The following NUP98 variants were observed in gnomAD, a reference collection of about 807,000 sequenced individuals.
NUP98 encodes the protein nucleoporin 98 and 96 precursor.
A neutral mutation model predicts 191.9 loss-of-function variants in NUP98; 26 were observed. The ratio of observed to expected loss-of-function variants is 0.14; its 90% CI spans 0.10 to 0.19. The LOEUF (loss-of-function observed/expected upper bound fraction) is 0.19. Among genes scored for constraint, NUP98 ranks in the 10% least tolerant of loss-of-function variants. The pLI is 1.00. For missense variants in NUP98, 1,941 were observed against 2,178.8 expected (o/e 0.89, Z 2.17); for synonymous variants, 808 against 778.4 (o/e 1.04, Z -0.63).
In NUP98 at chr11:3,731,442, T is replaced by C. The variant is rs375158212; in HGVS notation, c.1679A>G (p.Asp560Gly). ...GGATGGTTCATCGTCATCCAGCCCA[T>C]CAAAGAGATGTGACTTGGCTGTGCC... The part of the protein sequence containing the change: ...TTGTAKSHLF[D>G]GLDDDEPSLA... The change falls in exon 14 of 33, where the codon GAT becomes GGT. Residue 560 changes from aspartate (D) to glycine (G), a missense_variant. Coordinates refer to ENST00000324932, the MANE Select transcript of NUP98 (RefSeq NM_016320.5). 1.2e-5 allele frequency: 20 copies of C among 1,607,308 alleles called. No homozygotes were observed. The highest frequency in any genetic ancestry group is 5.3e-5 in the African/African-American group (4 of 74,874).
At chr11:3,767,649 T>A (rs1487835589) in intron 8 of NUP98, among the ~76,000 whole-genome samples, 3 of 152,116 alleles carry the variant, frequency 2.0e-5, no homozygotes. Flanking sequence ...AGTAAAAGTA[T>A]CTCTAATTTT....
intron 1 of NUP98, among the ~76,000 whole-genome samples, chr11:3,793,792 G>T (rs1406426401): frequency 6.6e-6 from 1 of 151,840 alleles, no homozygotes. Context: ...CCAACATGGT[G>T]AAAGCCTGTC....
At position 3,771,799 on chromosome 11, in the gene NUP98, T is replaced by C; in HGVS notation, c.733A>G (p.Thr245Ala). ...SSATGLFSSS[T>A]TNSGFAYGQN... ...CCATATGCAAAGCCTGAATTAGTGG[T>C]GGAGGAGCTGAAGAGTCCTGTTGCG... is the stretch of plus-strand genomic sequence containing the variant. Residue 245 changes from threonine to alanine, a missense_variant, in exon 7 of 33, where the codon ACC becomes GCC. Physicochemically the swap from Thr to Ala is moderately conservative, Grantham distance 58. Transcript: ENST00000324932. The C allele has an allele frequency of 3.1e-6, 5 of 1,614,182 alleles. No individual in the cohort carries two copies. The highest frequency in any genetic ancestry group is 4.2e-6 in the Non-Finnish European group (5 of 1,180,028).
chr11:3,791,756 T>C (rs545112990), intron 1 of NUP98, among the ~76,000 whole-genome samples: 25 of 151,358 alleles, frequency 1.7e-4, no homozygotes, highest in African/African-American at 4.1e-4. Context: ...GGCAGGAGAA[T>C]TGCTTGAACC....
chr11:3,699,173 G>A lies in NUP98; in HGVS notation c.3918C>T (p.Ser1306=), dbSNP rs747438301. The A allele has an allele frequency of 6.2e-7, 1 of 1,613,990 alleles. No homozygotes were observed. Among genetic ancestry groups the A allele is most frequent in the Non-Finnish European group, 8.5e-7 (1 of 1,180,050 alleles). Residue 1306 remains serine, a synonymous_variant, in exon 25 of 33, where the codon TCC becomes TCT. Transcript: ENST00000324932. Reference sequence around the variant, plus strand: ...CCACAGGGCTGTTTTTTTGGGTTAAGGAGACTTCCTCTTCAATCTGAGGTG... The same window carrying A: ...CCACAGGGCTGTTTTTTTGGGTTAAAGAGACTTCCTCTTCAATCTGAGGTG... The part of the protein sequence containing the change: ...TATPQIEEEV[S]LTQKNSPVEA...
intron 29 of NUP98, among the ~76,000 whole-genome samples, chr11:3,684,474 TTC>T (rs1369052562): frequency 6.6e-6 from 1 of 152,142 alleles, no homozygotes; most frequent in Non-Finnish European, 1.5e-5. Context: ...CTTTTTTATA[TTC>T]TTTTTCAGGA....
intron 23 of NUP98, among the ~76,000 whole-genome samples, chr11:3,701,717 A>T (rs1342671046): frequency 1.3e-5 from 2 of 148,640 alleles, no homozygotes; most frequent in Non-Finnish European, 3.0e-5. Context: ...ACTGAGTCTC[A>T]TTCAGTTGCC....
chr11:3,707,950 A>T (rs937740875), intron 20 of NUP98, among the ~76,000 whole-genome samples: 1 of 151,776 alleles, frequency 6.6e-6, no homozygotes, highest in Non-Finnish European at 1.5e-5. Flanking sequence ...AAAATACAAA[A>T]ATTAGCCAGG....
chr11:3,719,097 G>A (rs2079294589), intron 18 of NUP98, among the ~76,000 whole-genome samples: 1 of 150,278 alleles, frequency 6.7e-6, no homozygotes. Flanking sequence ...TCCAGCCTGG[G>A]CAACAAGAGC....
rs762523901 is a variant in NUP98 at position 3,700,594 on chromosome 11, C to T, written c.3742+16G>A. ...TTATTGGGACATCAAACATTAGAAA[C>T]ATAGTGTGTACTCACTTTGTGCTTC... On this transcript the variant is annotated intron_variant, in intron 24 of 32. Coordinates refer to ENST00000324932, the MANE Select transcript of NUP98 (RefSeq NM_016320.5). 1.3e-6 allele frequency: 2 copies of T among 1,551,174 alleles called. No individual in the cohort carries two copies. The highest frequency in any genetic ancestry group is 1.1e-5 in the South Asian group (1 of 88,718).
Position 3,775,801 on chromosome 11 carries a change from G to C in NUP98, c.495+81C>G. 2.9e-6 allele frequency: 4 copies of C among 1,400,512 alleles called. No homozygotes were observed. The South Asian group carries it at 5.0e-5, about 18-fold the overall frequency. The allele number at this position is 1,400,512 out of a possible 1,614,324, so 86.8% of individuals were successfully genotyped here. A position where few individuals can be genotyped will look rare whatever the true frequency, so the allele number is the denominator to read the frequency against. On this transcript the variant is annotated intron_variant, in intron 5 of 32. Coordinates refer to ENST00000324932, the MANE Select transcript of NUP98 (RefSeq NM_016320.5). ...GCAGTGTCAAGCTAAGCTGGAAAGA[G>C]AAGCAATTTTACAATTCATCCTGCA... is the stretch of plus-strand genomic sequence containing the variant.
At chr11:3,770,453 G>A (rs1399094578) in intron 7 of NUP98, among the ~76,000 whole-genome samples, 1 of 152,000 alleles carries the variant, frequency 6.6e-6, no homozygotes, top group Admixed American at 6.6e-5. Context: ...ACTCCAGCAT[G>A]AGTGACGGGA....
chr11:3,731,234 A>G (rs1181899992), intron 14 of NUP98, among the ~76,000 whole-genome samples, 157 bp downstream of exon 14: 1 of 152,252 alleles, frequency 6.6e-6, no homozygotes, highest in African/African-American at 2.4e-5. Context: ...ATTGCACTCC[A>G]GCCTGGGTGA....
At chr11:3,793,533 G>A (rs1341982196) in intron 1 of NUP98, among the ~76,000 whole-genome samples, 3 of 151,812 alleles carry the variant, frequency 2.0e-5, no homozygotes, top group Admixed American at 1.3e-4. Flanking sequence ...TGATCCACCC[G>A]CTTCAGCCTC....
At chr11:3,787,502 G>A (rs375897625) in intron 1 of NUP98, among the ~76,000 whole-genome samples, 76 of 152,238 alleles carry the variant, frequency 5.0e-4, no homozygotes, top group African/African-American at 1.6e-3. Flanking sequence ...AGAGTCGCTC[G>A]AACCCGGAAG....
chr11:3,788,241 C>T (rs1564933348), intron 1 of NUP98, among the ~76,000 whole-genome samples: 1 of 152,094 alleles, frequency 6.6e-6, no homozygotes, highest in Non-Finnish European at 1.5e-5. Context: ...TTTTTCATCC[C>T]CTTAACATAA....
Position 3,699,320 on chromosome 11 carries a change from T to A in NUP98, c.3771A>T (p.Thr1257=), listed in dbSNP as rs1233547768. Residue 1257 remains threonine, a synonymous_variant, in exon 25 of 33, where the codon ACA becomes ACT. Coordinates refer to ENST00000324932, the MANE Select transcript of NUP98 (RefSeq NM_016320.5). ...GGTGGCCCCATAGGGCTTCACATAG[T>A]GTCCATGTCAGGCTCCAGTGCTTCA... ...QIVKHWSLTW[T]LCEALWGHLK... 1.2e-6 allele frequency: 2 copies of A among 1,614,056 alleles called. No individual in the cohort carries two copies. Among genetic ancestry groups the A allele is most frequent in the South Asian group, 2.2e-5 (2 of 91,088 alleles).
chr11:3,723,768 C>T (rs2134233219), intron 15 of NUP98, among the ~76,000 whole-genome samples: 1 of 148,028 alleles, frequency 6.8e-6, no homozygotes, highest in African/African-American at 2.5e-5. Flanking sequence ...ATAAAAAACA[C>T]TAGAATTTTA....
intron 11 of NUP98, among the ~76,000 whole-genome samples, chr11:3,748,501 A>C (rs952687093): frequency 1.3e-5 from 2 of 152,200 alleles, no homozygotes; most frequent in African/African-American, 2.4e-5. Context: ...AGCCTGGGCA[A>C]CAGAGCAAGA....
Sources: allele counts gnomAD v4.1 joint callset (sites outside exome capture counted in the v4.1 genomes callset), GRCh38; gene constraint gnomAD v4.1.1; transcripts MANE v1.5; gene names NCBI Gene and HGNC (gene_info 2026-07-23, HGNC 2026-07-21).